The following GRIK1 variants were observed in gnomAD, a reference collection of about 807,000 sequenced individuals.
GRIK1 encodes glutamate ionotropic receptor kainate type subunit 1.
In GRIK1, 69 loss-of-function variants were observed where a neutral mutation model predicts 105.7. The ratio of observed to expected loss-of-function variants is 0.65; its 90% CI spans 0.54 to 0.80. The LOEUF (loss-of-function observed/expected upper bound fraction) is 0.80, where lower values mean the gene tolerates loss of function less well. Among genes scored for constraint, GRIK1 ranks in the 30% least tolerant of loss-of-function variants. The pLI is 0.00. For missense variants in GRIK1, 1,109 were observed against 1,167.3 expected (o/e 0.95, Z 0.73); for synonymous variants, 438 against 431.3 (o/e 1.02, Z -0.19).
intron 7 of GRIK1, among the ~76,000 whole-genome samples, chr21:29,602,823 T>A (rs1326761055): frequency 6.6e-6 from 1 of 152,160 alleles, no homozygotes; most frequent in Non-Finnish European, 1.5e-5. Flanking sequence ...TGGGGAATCA[T>A]GGGGGTGTTT....
chr21:29,607,409 A>C (rs1371457500), intron 7 of GRIK1, among the ~76,000 whole-genome samples: 1 of 152,048 alleles, frequency 6.6e-6, no homozygotes. Flanking sequence ...TAAAAAAAAA[A>C]AAAAGCCTTT....
At chr21:29,676,411 A>C (rs1233169910) in intron 3 of GRIK1, among the ~76,000 whole-genome samples, 1 of 152,228 alleles carries the variant, frequency 6.6e-6, no homozygotes, top group Non-Finnish European at 1.5e-5. Flanking sequence ...CAATTCAAAA[A>C]GCACAGTAGA....
chr21:29,797,434 A>T (rs562106956), intron 1 of GRIK1, among the ~76,000 whole-genome samples: 1 of 152,182 alleles, frequency 6.6e-6, no homozygotes, highest in South Asian at 2.1e-4. Flanking sequence ...CTAGTTGATT[A>T]TACTACAAAT....
At chr21:29,570,843 C>CTTTTT (rs34929553) in intron 14 of GRIK1, among the ~76,000 whole-genome samples, 8 of 146,034 alleles carry the variant, frequency 5.5e-5, no homozygotes, top group Non-Finnish European at 3.0e-5. Flanking sequence ...CTTAGAGTTG[C>CTTTTT]TTTTTTTTTT....
chr21:29,903,745 A>G (rs1259009762), intron 1 of GRIK1, among the ~76,000 whole-genome samples: 1 of 152,202 alleles, frequency 6.6e-6, no homozygotes, highest in Non-Finnish European at 1.5e-5. Flanking sequence ...AACTAGAAAT[A>G]CCATTTGACC....
chr21:29,592,786 C>A (rs966184370), intron 9 of GRIK1, among the ~76,000 whole-genome samples: 1 of 152,152 alleles, frequency 6.6e-6, no homozygotes, highest in African/African-American at 2.4e-5. Context: ...TTTCTTCAAC[C>A]TTACCCTGTC....
At chr21:29,763,786 T>C (rs1051708046) in intron 1 of GRIK1, 6 of 152,174 alleles carry the variant, frequency 3.9e-5, no homozygotes, top group South Asian at 2.1e-4. Context: ...GTTAATACAA[T>C]TGAGGAAATA....
chr21:29,837,835 A>G (rs2067851042), intron 1 of GRIK1, among the ~76,000 whole-genome samples: 1 of 152,204 alleles, frequency 6.6e-6, no homozygotes, highest in South Asian at 2.1e-4. Context: ...AGTCTTATAC[A>G]GTGTGGCTTC....
At chr21:29,881,979 A>G (rs2069428905) in intron 1 of GRIK1, among the ~76,000 whole-genome samples, 1 of 152,150 alleles carries the variant, frequency 6.6e-6, no homozygotes, top group Admixed American at 6.6e-5. Context: ...AAAAATTAAT[A>G]AAACATACTC....
intron 3 of GRIK1, among the ~76,000 whole-genome samples, chr21:29,681,462 C>G (rs1601439435): frequency 6.6e-6 from 1 of 152,316 alleles, no homozygotes; most frequent in South Asian, 2.1e-4. Context: ...ACCAGGCACA[C>G]TCTCACCTGA....
chr21:29,647,761 AAGT>A (rs1277628107), intron 6 of GRIK1, among the ~76,000 whole-genome samples: 2 of 152,166 alleles, frequency 1.3e-5, no homozygotes, highest in African/African-American at 4.8e-5. Context: ...AAAGAGAACA[AAGT>A]AGATTTTATA....
At chr21:29,658,739 G>C (rs2062903913) in intron 4 of GRIK1, among the ~76,000 whole-genome samples, 1 of 152,142 alleles carries the variant, frequency 6.6e-6, no homozygotes, top group African/African-American at 2.4e-5. Context: ...CATTAGTACT[G>C]TTTTTCCAGT....
At position 29,793,376 on chromosome 21, in the gene GRIK1, C is replaced by G. The variant is rs542637728; in HGVS notation, c.119-99313G>C. ...GTTGCTCCCCCAAGTCCCATAGTGC[C>G]TAGCTGCTTCCATATGTAACAGCCC... On this transcript the variant is annotated intron_variant, in intron 1 of 17. Transcript: ENST00000327783. 1.4e-3 allele frequency among the ~76,000 whole-genome samples: 212 copies of G among 152,280 alleles called. 1 individual carries two copies. The highest frequency in any genetic ancestry group is 0.013 in the Admixed American group (194 of 15,292).
chr21:29,759,311 G>T (rs934672595), intron 1 of GRIK1, among the ~76,000 whole-genome samples: 2 of 151,802 alleles, frequency 1.3e-5, no homozygotes, highest in African/African-American at 4.8e-5. Context: ...TAGAGACGGG[G>T]TTTCACCATG....
intron 1 of GRIK1, among the ~76,000 whole-genome samples, chr21:29,827,625 T>A (rs2067498043): frequency 6.6e-6 from 1 of 152,060 alleles, no homozygotes; most frequent in Non-Finnish European, 1.5e-5. Flanking sequence ...GTAAAAAGAC[T>A]TTAATGGATC....
At chr21:29,636,459 G>A (rs987613392) in intron 7 of GRIK1, among the ~76,000 whole-genome samples, 6 of 152,098 alleles carry the variant, frequency 3.9e-5, no homozygotes, top group Admixed American at 6.6e-5. Context: ...TTGCATTGTC[G>A]TTATCTGACA....
intron 16 of GRIK1, among the ~76,000 whole-genome samples, chr21:29,545,847 CCTTAG>C (rs139382680): frequency 0.031 from 4,760 of 151,660 alleles, 111 homozygotes; most frequent in East Asian, 0.12. Context: ...ATAGAACTCA[CCTTAG>C]CTTAGAGGTT....
chr21:29,720,156 C>A (rs1315828565), intron 1 of GRIK1, among the ~76,000 whole-genome samples: 2 of 152,186 alleles, frequency 1.3e-5, no homozygotes, highest in Admixed American at 6.5e-5. Flanking sequence ...GCTCCACAAT[C>A]CCTGAGTCAC....
At chr21:29,697,932 T>C (rs576553252) in intron 1 of GRIK1, among the ~76,000 whole-genome samples, 334 of 138,636 alleles carry the variant, frequency 2.4e-3, no homozygotes, top group Non-Finnish European at 4.1e-3. Flanking sequence ...CTCTCTCTCT[T>C]TCTTTCTTTC....
Sources: allele counts gnomAD v4.1 joint callset (sites outside exome capture counted in the v4.1 genomes callset), GRCh38; gene constraint gnomAD v4.1.1; transcripts MANE v1.5; gene names NCBI Gene and HGNC (gene_info 2026-07-23, HGNC 2026-07-21).